SOS1: variants seen among roughly 807,000 people sequenced by gnomAD.
SOS1 encodes son of sevenless homolog 1.
A neutral mutation model predicts 157.6 loss-of-function variants in SOS1; 25 were observed. The ratio of observed to expected loss-of-function variants is 0.16; its 90% confidence interval spans 0.12 to 0.22. The LOEUF (loss-of-function observed/expected upper bound fraction) is 0.22, where lower values mean the gene tolerates loss of function less well. Among genes scored for constraint, SOS1 ranks in the 10% least tolerant of loss-of-function variants. The probability of loss-of-function intolerance (pLI) is 1.00; values close to 1 mark genes in which losing one functional copy is unlikely to be tolerated. For synonymous variants in SOS1, 528 were observed against 534.0 expected (o/e 0.99, Z 0.16); for missense variants, 1,237 against 1,599.1 (o/e 0.77, Z 3.86).
At chr2:39,075,171 G>A (rs1485447224) in intron 1 of SOS1, among the ~76,000 whole-genome samples, 1 of 152,164 alleles carries the variant, frequency 6.6e-6, no homozygotes, top group Non-Finnish European at 1.5e-5. Context: ...TCCATAAGAA[G>A]AGAGATTGAA....
intron 8 of SOS1, among the ~76,000 whole-genome samples, chr2:39,030,400 C>A (rs1270182337): frequency 6.6e-6 from 1 of 151,830 alleles, no homozygotes; most frequent in African/African-American, 2.4e-5. Context: ...CTTGTCTCTA[C>A]AAAAAAATAA....
chr2:39,034,967 CA>C (rs1394495748), intron 8 of SOS1: 1 of 528,584 alleles, frequency 1.9e-6, no homozygotes, highest in Non-Finnish European at 3.4e-6. Context: ...ACTAAAAAAC[CA>C]AAAATAAAAA....
intron 6 of SOS1, among the ~76,000 whole-genome samples, chr2:39,038,168 A>G (rs565827024): frequency 2.0e-5 from 3 of 152,322 alleles, no homozygotes; most frequent in Admixed American, 1.3e-4. Flanking sequence ...AACCCTCTGG[A>G]AAGGATTCAC....
chr2:39,037,607 A>G (rs1670403605), intron 6 of SOS1, among the ~76,000 whole-genome samples: 1 of 106,280 alleles, frequency 9.4e-6, no homozygotes, highest in South Asian at 3.4e-4. Context: ...TGTGCTTTGC[A>G]TATATTGCCT....
chr2:39,070,807 C>T (rs557031627), intron 1 of SOS1, among the ~76,000 whole-genome samples: 1 of 152,152 alleles, frequency 6.6e-6, no homozygotes, highest in Non-Finnish European at 1.5e-5. Context: ...ATTTATAAAA[C>T]CACAGACTTA....
intron 10 of SOS1, among the ~76,000 whole-genome samples, chr2:39,017,531 T>C (rs1011741660): frequency 1.3e-5 from 2 of 151,998 alleles, no homozygotes; most frequent in African/African-American, 4.8e-5. Flanking sequence ...CCCATAATCA[T>C]GACTGTTGTA....
intron 1 of SOS1, among the ~76,000 whole-genome samples, chr2:39,102,645 G>C (rs1383234594): frequency 6.6e-6 from 1 of 151,396 alleles, no homozygotes; most frequent in Non-Finnish European, 1.5e-5. Context: ...ATAGATTCTG[G>C]AAAAGAAAGA....
At chr2:39,018,000 T>C (rs900899143) in intron 10 of SOS1, among the ~76,000 whole-genome samples, 1 of 151,926 alleles carries the variant, frequency 6.6e-6, no homozygotes, top group African/African-American at 2.4e-5. Context: ...CCTAGTTCCA[T>C]TGATTAGGCA....
At chr2:39,016,218 C>A (rs763198721) in intron 10 of SOS1, among the ~76,000 whole-genome samples, 1 of 151,964 alleles carries the variant, frequency 6.6e-6, no homozygotes, top group Admixed American at 6.6e-5. Context: ...TATCAGACAA[C>A]CTTGAATTCA....
intron 1 of SOS1, among the ~76,000 whole-genome samples, chr2:39,073,589 TTGA>T (rs1671860856): frequency 1.3e-5 from 2 of 152,246 alleles, no homozygotes; most frequent in African/African-American, 4.8e-5. Flanking sequence ...TGATTCTATC[TTGA>T]CAGTTCATTT....
intron 2 of SOS1, among the ~76,000 whole-genome samples, chr2:39,062,809 A>C (rs1208108669): frequency 6.6e-6 from 1 of 152,054 alleles, no homozygotes. Flanking sequence ...ACACAGGAAA[A>C]AAATATTAGC....
intron 1 of SOS1, among the ~76,000 whole-genome samples, chr2:39,083,129 C>T (rs1258299933): frequency 6.6e-6 from 1 of 151,996 alleles, no homozygotes; most frequent in Non-Finnish European, 1.5e-5. Flanking sequence ...TGTTACAGAC[C>T]CTGAATGCTT....
At chr2:39,089,712 A>G (rs1384201950) in intron 1 of SOS1, among the ~76,000 whole-genome samples, 1 of 152,092 alleles carries the variant, frequency 6.6e-6, no homozygotes, top group African/African-American at 2.4e-5. Flanking sequence ...TTATCTTCAT[A>G]TCCTAACACT....
intron 17 of SOS1, among the ~76,000 whole-genome samples, chr2:38,998,087 G>A (rs961231053): frequency 1.3e-5 from 2 of 151,474 alleles, no homozygotes; most frequent in Non-Finnish European, 2.9e-5. Flanking sequence ...TGTAGACTTA[G>A]TGGCAACCTA....
chr2:39,059,640 C>A (rs1330557406), intron 2 of SOS1, among the ~76,000 whole-genome samples: 2 of 151,920 alleles, frequency 1.3e-5, no homozygotes, highest in Admixed American at 1.3e-4. Context: ...AATTAAACAT[C>A]ATCATAATTA....
intron 17 of SOS1, among the ~76,000 whole-genome samples, chr2:39,003,995 G>C (rs1227412992): frequency 6.6e-6 from 1 of 152,170 alleles, no homozygotes; most frequent in Non-Finnish European, 1.5e-5. Context: ...ATTGTCTCCA[G>C]GCATTGCTAA....
At chr2:39,022,472 T>TA (rs767364785) in intron 10 of SOS1, 98 bp downstream of exon 10, 1 of 899,042 alleles carries the variant, frequency 1.1e-6, no homozygotes, top group South Asian at 1.4e-5. Context: ...CTTTGGTTGT[T>TA]AGTTTCTTTT....
At chr2:39,084,926 T>C (rs956893617) in intron 1 of SOS1, among the ~76,000 whole-genome samples, 1 of 152,214 alleles carries the variant, frequency 6.6e-6, no homozygotes, top group Non-Finnish European at 1.5e-5. Context: ...CTATGCTCTT[T>C]ATCTTCCAAA....
chr2:38,995,634 A>C (rs1368959665), intron 19 of SOS1, among the ~76,000 whole-genome samples: 6 of 152,180 alleles, frequency 3.9e-5, no homozygotes, highest in African/African-American at 1.4e-4. Context: ...TAAATACTAG[A>C]GTATTTGTTA....
Sources: allele counts gnomAD v4.1 joint callset (sites outside exome capture counted in the v4.1 genomes callset), GRCh38; gene constraint gnomAD v4.1.1; transcripts MANE v1.5; gene names NCBI Gene and HGNC (gene_info 2026-07-23, HGNC 2026-07-21).